Variants in SRPK2 observed in about 807,000 individuals in gnomAD.
SRPK2 encodes SRSF protein kinase 2.
A neutral mutation model predicts 90.8 loss-of-function variants in SRPK2; 21 were observed. That is an observed-to-expected ratio of 0.23 (90% CI 0.16 to 0.33). SRPK2 has a LOEUF of 0.33. Ranked by LOEUF, SRPK2 falls within the 10% of genes least tolerant of loss-of-function variation. The pLI is 1.00. For missense variants in SRPK2, 620 were observed against 869.0 expected, an observed-to-expected ratio of 0.71 and a Z score of 3.60; for synonymous variants, 288 against 311.1, an observed-to-expected ratio of 0.93 and a Z score of 0.78.
intron 7 of SRPK2, among the ~76,000 whole-genome samples, chr7:105,159,304 G>A (rs558500350): frequency 1.1e-4 from 17 of 151,816 alleles, no homozygotes; most frequent in Admixed American, 2.6e-4. Flanking sequence ...TGGGCAACAC[G>A]GTGAAACCCT....
intron 3 of SRPK2, among the ~76,000 whole-genome samples, chr7:105,182,231 CAAAAA>C (rs368137906): frequency 4.6e-5 from 3 of 65,842 alleles, no homozygotes; most frequent in Admixed American, 1.8e-4. Context: ...GACTCTGTCT[CAAAAA>C]AAAAAAAAAA....
intron 2 of SRPK2, among the ~76,000 whole-genome samples, chr7:105,325,191 T>C (rs1813418895): frequency 2.0e-5 from 3 of 152,082 alleles, no homozygotes; most frequent in African/African-American, 7.2e-5. Flanking sequence ...AAGAAAGCAT[T>C]TTACCTCACC....
intron 3 of SRPK2, among the ~76,000 whole-genome samples, chr7:105,201,721 G>A (rs1795583206): frequency 6.6e-6 from 1 of 151,960 alleles, no homozygotes; most frequent in South Asian, 2.1e-4. Flanking sequence ...TGGGAGGACT[G>A]CTCAAGCCCA....
chr7:105,272,441 T>C lies in SRPK2; in HGVS notation c.72-68656A>G, dbSNP rs114099312. Among the ~76,000 whole-genome samples the C allele has an allele frequency of 3.8e-3, 572 of 152,354 alleles. 3 individuals carry two copies. The highest frequency in any genetic ancestry group is 0.013 in the African/African-American group (539 of 41,576). On this transcript the variant is annotated intron_variant, in intron 2 of 15. Transcript: ENST00000393651. ...AATATATTTTAAATTATGGTTGCTT[T>C]TATTTTTAGTCATAATTTTGTTTCT...
At chr7:105,204,269 G>A (rs1362991923) in intron 2 of SRPK2, among the ~76,000 whole-genome samples, 3 of 152,204 alleles carry the variant, frequency 2.0e-5, no homozygotes, top group Non-Finnish European at 2.9e-5. Flanking sequence ...TGGCAATGAG[G>A]TTAGGTTTCA....
intron 11 of SRPK2, among the ~76,000 whole-genome samples, chr7:105,133,447 T>C (rs1295270533): frequency 6.6e-6 from 1 of 152,132 alleles, no homozygotes; most frequent in African/African-American, 2.4e-5. Flanking sequence ...ATGGTGTCAA[T>C]CCATCCCTTC....
chr7:105,284,583 T>C (rs1328195622), intron 2 of SRPK2, among the ~76,000 whole-genome samples: 1 of 152,210 alleles, frequency 6.6e-6, no homozygotes, highest in Admixed American at 6.5e-5. Flanking sequence ...GGAAAAATAT[T>C]AAACTTCATG....
chr7:105,314,368 T>C (rs987111747), intron 2 of SRPK2, among the ~76,000 whole-genome samples: 1 of 151,934 alleles, frequency 6.6e-6, no homozygotes, highest in South Asian at 2.1e-4. Context: ...AAAGATTACC[T>C]GGGCAACATG....
chr7:105,388,348 G>A (rs1306051819), intron 2 of SRPK2, among the ~76,000 whole-genome samples: 2 of 150,924 alleles, frequency 1.3e-5, no homozygotes, highest in Non-Finnish European at 3.0e-5. Context: ...GGACGGGTGC[G>A]CACGCCCTGC....
intron 2 of SRPK2, chr7:105,302,121 T>C: frequency 6.8e-7 from 1 of 1,465,698 alleles, no homozygotes; most frequent in South Asian, 1.1e-5. Context: ...GAGCATTCTT[T>C]AAAAAGTAAA....
intron 2 of SRPK2, among the ~76,000 whole-genome samples, chr7:105,227,090 T>C (rs1008873035): frequency 8.5e-5 from 13 of 152,174 alleles, no homozygotes; most frequent in African/African-American, 3.1e-4. Flanking sequence ...CATAAAACAC[T>C]GCTTGGTCCT....
intron 2 of SRPK2, among the ~76,000 whole-genome samples, chr7:105,366,346 T>C (rs188793623): frequency 6.6e-6 from 1 of 151,136 alleles, no homozygotes; most frequent in East Asian, 2.0e-4. Flanking sequence ...TCTCTAATTG[T>C]ATTAGCATCT....
rs144495004 is a variant in SRPK2 at position 105,263,546 on chromosome 7, T to C, written c.72-59761A>G. On this transcript the variant is annotated intron_variant, in intron 2 of 15. Transcript: ENST00000393651. ...AGACCAAAAGCTTATCCAGAGGGTTTCTATTTATATAATGTTCAAAACAGA... is the reference window on the plus strand; with the variant it reads ...AGACCAAAAGCTTATCCAGAGGGTTCCTATTTATATAATGTTCAAAACAGA... Among the ~76,000 whole-genome samples the C allele has an allele frequency of 4.1e-4, 63 of 152,264 alleles. 2 individuals are homozygous for C. The South Asian group carries it at 0.013, about 31-fold the overall frequency.
At chr7:105,367,124 T>C (rs1027046760) in intron 2 of SRPK2, among the ~76,000 whole-genome samples, 9 of 151,952 alleles carry the variant, frequency 5.9e-5, no homozygotes, top group Non-Finnish European at 1.0e-4. Flanking sequence ...TGAGCTCAAA[T>C]GCTCCTCCCA....
At chr7:105,241,348 C>G (rs563717256) in intron 2 of SRPK2, among the ~76,000 whole-genome samples, 1 of 152,118 alleles carries the variant, frequency 6.6e-6, no homozygotes, top group African/African-American at 2.4e-5. Context: ...AGAAGGACTC[C>G]GGAGAAGGTT....
At chr7:105,306,380 A>AG in intron 2 of SRPK2, 1 of 381,180 alleles carries the variant, frequency 2.6e-6, no homozygotes. Flanking sequence ...ACTGTGAATT[A>AG]TTTTTGCAAA....
intron 3 of SRPK2, among the ~76,000 whole-genome samples, chr7:105,179,861 T>C (rs182508975): frequency 1.2e-3 from 186 of 150,042 alleles, no homozygotes; most frequent in Middle Eastern, 0.011. Context: ...ATAAAATATC[T>C]TGGAGTACAG....
intron 6 of SRPK2, 140 bp from the exon 7 acceptor site, chr7:105,160,753 A>T: frequency 1.8e-6 from 1 of 553,274 alleles, no homozygotes; most frequent in Non-Finnish European, 3.3e-6. Context: ...ACCAAAAGTG[A>T]GAAAATGTTG....
chr7:105,257,055 C>A (rs1803422496), intron 2 of SRPK2, among the ~76,000 whole-genome samples: 1 of 152,182 alleles, frequency 6.6e-6, no homozygotes, highest in Non-Finnish European at 1.5e-5. Flanking sequence ...CAGGGGCCAG[C>A]CACCCACGAA....
Sources: allele counts gnomAD v4.1 joint callset (sites outside exome capture counted in the v4.1 genomes callset), GRCh38; gene constraint gnomAD v4.1.1; transcripts MANE v1.5; gene names NCBI Gene and HGNC (gene_info 2026-07-23, HGNC 2026-07-21).